The following UNC13C variants were observed in gnomAD, a reference collection of about 807,000 sequenced individuals.
The protein encoded by UNC13C is unc-13 homolog C, also known as protein unc-13 homolog C.
In UNC13C, 174 loss-of-function variants were observed where a neutral mutation model predicts 245.4. The observed-to-expected ratio is 0.71, with a 90% confidence interval of 0.63 to 0.80. The LOEUF is 0.80. UNC13C is among the 30% of genes least tolerant of loss of function. The probability of loss-of-function intolerance (pLI) is 0.00; values close to 1 mark genes in which losing one functional copy is unlikely to be tolerated. For missense variants in UNC13C, 2,829 were observed against 2,602.9 expected (o/e 1.09, Z -1.89); for synonymous variants, 992 against 895.1 (o/e 1.11, Z -1.93).
Position 54,484,070 on chromosome 15 carries a change from T to G in UNC13C, c.4934-10538T>G, listed in dbSNP as rs143594394. On this transcript the variant is annotated intron_variant, in intron 19 of 32. Transcript: ENST00000260323. ...GTTGGGAAGGATTATGAATCAGAAC[T>G]CTGGCTTCCCTGAAAAAAAAAAACC... 8.5e-3 allele frequency among the ~76,000 whole-genome samples: 845 copies of G among 99,076 alleles called. 1 individual carries two copies. Among genetic ancestry groups the G allele is most frequent in the Non-Finnish European group, 0.012 (583 of 46,738 alleles). The allele number at this position is 99,076 out of a possible 152,430, so 65.0% of individuals were successfully genotyped here. A position where few individuals can be genotyped will look rare whatever the true frequency, so the allele number is the denominator to read the frequency against.
rs781291543 is a variant in UNC13C, at chr15:54,512,481, T to C, written c.5457+651T>C. On this transcript the variant is annotated intron_variant, in intron 24 of 32. Coordinates refer to ENST00000260323, the MANE Select transcript of UNC13C (RefSeq NM_001080534.3). ...TTCTACTTATTCCCATTTGCTTGTT[T>C]GGAACAGACAGACAGTGAAATACTA... 125 of 418,238 alleles carry C rather than the reference T, an allele frequency of 3.0e-4. 2 individuals are homozygous for C. Among genetic ancestry groups the C allele is most frequent in the Non-Finnish European group, 4.0e-4 (83 of 208,668 alleles). 25.9% of individuals were successfully genotyped at this position (418,238 alleles called of 1,614,324 possible).
chr15:54,539,332 G>A (rs1354244332), intron 26 of UNC13C, among the ~76,000 whole-genome samples: 1 of 152,010 alleles, frequency 6.6e-6, no homozygotes, highest in Non-Finnish European at 1.5e-5. Flanking sequence ...ATAATAGGAT[G>A]TAGGTAGGGA....
intron 2 of UNC13C, among the ~76,000 whole-genome samples, chr15:54,041,270 A>G (rs1464774070): frequency 1.3e-5 from 2 of 152,222 alleles, no homozygotes; most frequent in South Asian, 4.1e-4. Context: ...TTTAATTGGT[A>G]GTCAAATATT....
intron 10 of UNC13C, among the ~76,000 whole-genome samples, chr15:54,272,009 C>T (rs544197294): frequency 6.6e-6 from 1 of 152,296 alleles, no homozygotes; most frequent in South Asian, 2.1e-4. Flanking sequence ...ACAAAAAGCT[C>T]TCTGGCCAAC....
chr15:54,040,794 C>T (rs1896777561), intron 2 of UNC13C, among the ~76,000 whole-genome samples: 1 of 152,190 alleles, frequency 6.6e-6, no homozygotes, highest in African/African-American at 2.4e-5. Context: ...GCAACTGAGC[C>T]TTTGCTGTAG....
chr15:53,863,324 A>T, the UNC13C span, among the ~76,000 whole-genome samples: 2 of 152,128 alleles, frequency 1.3e-5, no homozygotes, highest in African/African-American at 4.8e-5. Flanking sequence ...GGTTGGCCTC[A>T]CCCTTCAGAT....
the UNC13C span, among the ~76,000 whole-genome samples, chr15:53,892,035 A>T: frequency 6.6e-6 from 1 of 151,182 alleles, no homozygotes; most frequent in Non-Finnish European, 1.5e-5. Context: ...TTCCTTCAGG[A>T]GCTCTTGTAA....
chr15:54,188,361 C>T (rs1011755189), intron 4 of UNC13C, among the ~76,000 whole-genome samples: 8 of 152,024 alleles, frequency 5.3e-5, no homozygotes, highest in African/African-American at 1.7e-4. Flanking sequence ...ACTTGTGGAA[C>T]ACATATGCTG....
the UNC13C span, among the ~76,000 whole-genome samples, chr15:53,891,377 G>T: frequency 6.6e-6 from 1 of 152,130 alleles, no homozygotes; most frequent in East Asian, 1.9e-4. Flanking sequence ...TATCTATTAG[G>T]TCCACTTGTT....
chr15:53,966,541 T>C, the UNC13C span, among the ~76,000 whole-genome samples: 26 of 152,284 alleles, frequency 1.7e-4, no homozygotes, highest in East Asian at 3.5e-3. Flanking sequence ...ATCACATTTA[T>C]GGTTCATATT....
At chr15:54,572,737 T>C (rs1371003180) in intron 30 of UNC13C, among the ~76,000 whole-genome samples, 3 of 152,192 alleles carry the variant, frequency 2.0e-5, no homozygotes, top group Non-Finnish European at 2.9e-5. Flanking sequence ...GTCTCTTTAA[T>C]TTTTAATTCA....
At chr15:54,311,843 G>T (rs1455118956) in intron 13 of UNC13C, among the ~76,000 whole-genome samples, 5 of 151,662 alleles carry the variant, frequency 3.3e-5, no homozygotes, top group Non-Finnish European at 7.4e-5. Flanking sequence ...ATACAATTTT[G>T]CATGATGTAC....
chr15:54,519,442 T>C (rs920945058), intron 24 of UNC13C, among the ~76,000 whole-genome samples: 1 of 152,182 alleles, frequency 6.6e-6, no homozygotes, highest in African/African-American at 2.4e-5. Context: ...TCATTTAACA[T>C]ATCTCAAAGG....
intron 2 of UNC13C, among the ~76,000 whole-genome samples, chr15:54,136,619 G>C (rs376624529): frequency 6.6e-6 from 1 of 151,960 alleles, no homozygotes; most frequent in Non-Finnish European, 1.5e-5. Context: ...CCCTTGTCTT[G>C]TTTCTGATCT....
chr15:54,469,142 T>C (rs1419809887), intron 19 of UNC13C, among the ~76,000 whole-genome samples: 1 of 151,566 alleles, frequency 6.6e-6, no homozygotes, highest in African/African-American at 2.4e-5. Flanking sequence ...TATACAGATC[T>C]TTCACCTCCT....
intron 13 of UNC13C, among the ~76,000 whole-genome samples, chr15:54,319,959 A>G (rs568474779): frequency 2.0e-5 from 3 of 152,118 alleles, no homozygotes; most frequent in African/African-American, 7.2e-5. Context: ...TCAAGGTTTA[A>G]AAGAAATGAT....
At chr15:54,129,703 T>C (rs2031285686) in intron 2 of UNC13C, among the ~76,000 whole-genome samples, 1 of 151,654 alleles carries the variant, frequency 6.6e-6, no homozygotes, top group South Asian at 2.1e-4. Context: ...GATGTATATA[T>C]CATTCTCTCA....
chr15:54,059,459 A>T lies in UNC13C; in HGVS notation c.2983+43573A>T, dbSNP rs1897701903. 2.6e-5 allele frequency among the ~76,000 whole-genome samples: 4 copies of T among 152,148 alleles called. 1 individual carries two copies. Among genetic ancestry groups the T allele is most frequent in the Admixed American group, 1.3e-4 (2 of 15,268 alleles). On this transcript the variant is annotated intron_variant, in intron 2 of 32. Coordinates refer to ENST00000260323, the MANE Select transcript of UNC13C (RefSeq NM_001080534.3). ...ACTACAAACCACTGCTCAATGAAATAAAAGAGGATACAAACAAATGGAAGA... is the reference window on the plus strand; with the variant it reads ...ACTACAAACCACTGCTCAATGAAATTAAAGAGGATACAAACAAATGGAAGA...
At chr15:54,525,428 G>T in intron 24 of UNC13C, 121 bp from the exon 25 acceptor site, 74 of 433,566 alleles carry the variant, frequency 1.7e-4, no homozygotes, top group Middle Eastern at 6.6e-4. Context: ...AAAAAAAAAA[G>T]AAGAGAAAAA....
Sources: gnomAD v4.1 joint callset for allele counts (sites outside exome capture counted in the v4.1 genomes callset) on GRCh38, gnomAD v4.1.1 for gene constraint, MANE v1.5 for transcripts, NCBI Gene and HGNC (gene_info 2026-07-23, HGNC 2026-07-21) for gene names.